SCN3A: variants seen among roughly 807,000 people sequenced by gnomAD.
SCN3A encodes the protein sodium voltage-gated channel alpha subunit 3.
SCN3A carries 60 observed loss-of-function variants against 187.6 expected under a neutral mutation model. The ratio of observed to expected loss-of-function variants is 0.32; its 90% CI spans 0.26 to 0.40. SCN3A has a LOEUF of 0.40. SCN3A is among the 10% of genes least tolerant of loss of function. SCN3A has a pLI of 1.00. For synonymous variants in SCN3A, 788 were observed against 829.2 expected (o/e 0.95, Z 0.85); for missense variants, 1,601 against 2,428.2 (o/e 0.66, Z 7.16).
At chr2:165,109,629 T>C (rs1457932333) in intron 21 of SCN3A, among the ~76,000 whole-genome samples, 1 of 152,146 alleles carries the variant, frequency 6.6e-6, no homozygotes, top group Non-Finnish European at 1.5e-5. Context: ...AAATCTCCAC[T>C]TTCTTGCATT....
chr2:165,163,997 G>T, intron 6 of SCN3A: 1 of 1,063,142 alleles, frequency 9.4e-7, no homozygotes, highest in South Asian at 1.4e-5. Flanking sequence ...TTAACAAATG[G>T]AATTGCTATA....
intron 5 of SCN3A, among the ~76,000 whole-genome samples, chr2:165,168,010 A>T (rs994102272): frequency 6.6e-6 from 1 of 152,134 alleles, no homozygotes; most frequent in East Asian, 1.9e-4. Flanking sequence ...GAGGCCTGGG[A>T]TATGAGGCCA....
At chr2:165,176,706 A>G (rs1012819973) in intron 2 of SCN3A, among the ~76,000 whole-genome samples, 30 of 152,168 alleles carry the variant, frequency 2.0e-4, no homozygotes, top group African/African-American at 7.0e-4. Flanking sequence ...TATATATAAT[A>G]TATAAACATT....
chr2:165,090,726 C>T lies in SCN3A; in HGVS notation c.5427G>A (p.Glu1809=), dbSNP rs752853403. The part of the protein sequence containing the change: ...KFDPDATQFI[E]FSKLSDFAAA... ...CTGCAAAATCAGAGAGTTTAGAGAACTCTATAAACTGGGTCGCATCGGGAT... is the reference window on the plus strand; with the variant it reads ...CTGCAAAATCAGAGAGTTTAGAGAATTCTATAAACTGGGTCGCATCGGGAT... Residue 1809 remains glutamate, a synonymous_variant, in exon 28 of 28, where the codon GAG becomes GAA. Transcript: ENST00000283254. This position sits in a 1 kb window ranked among gnomAD's most constrained non-coding sequence, Gnocchi z 4.0. The T allele has an allele frequency of 8.7e-6, 14 of 1,613,944 alleles. No individual in the cohort carries two copies. In the East Asian group the frequency reaches 8.9e-5, roughly 10 times the overall value.
At chr2:165,152,056 A>G (rs1688715087) in intron 11 of SCN3A, among the ~76,000 whole-genome samples, 1 of 152,210 alleles carries the variant, frequency 6.6e-6, no homozygotes, top group South Asian at 2.1e-4. Context: ...CAACATAACT[A>G]TGTCCCGAAA....
chr2:165,102,462 C>T (rs1685653025), intron 21 of SCN3A, among the ~76,000 whole-genome samples: 1 of 151,942 alleles, frequency 6.6e-6, no homozygotes, highest in African/African-American at 2.4e-5. Context: ...GTTACAGTGG[C>T]TATGATCACA....
chr2:165,128,462 T>A (rs1439803), intron 17 of SCN3A, among the ~76,000 whole-genome samples: 118,366 of 152,096 alleles, frequency 0.78, 46,327 homozygotes, highest in East Asian at 0.9. Context: ...AGATACTTTC[T>A]TCTTAATCAT....
chr2:165,146,786 C>A lies in SCN3A; in HGVS notation c.1624G>T (p.Asp542Tyr), dbSNP rs1040596902. ...VKRSSFLFSM[D>Y]GNRLTSDKKF... The stretch of plus-strand genomic sequence containing the variant: ...TTGTCACTGGTCAGTCTGTTTCCAT[C>A]CATGGAGAAAAGGAAGCTGCTTCTT... The change falls in exon 12 of 28, where the codon GAT becomes TAT. Residue 542 changes from aspartate to tyrosine, a missense_variant. Asp to Tyr is a radical substitution (Grantham distance 160). Coordinates refer to ENST00000283254, the MANE Select transcript of SCN3A (RefSeq NM_006922.4). 5.0e-6 allele frequency: 8 copies of A among 1,613,966 alleles called. No individual in the cohort carries two copies. The highest frequency in any genetic ancestry group is 6.8e-6 in the Non-Finnish European group (8 of 1,179,920).
At chr2:165,129,799 G>C (rs1687205255) in intron 17 of SCN3A, 141 bp downstream of exon 17, 1 of 1,021,218 alleles carries the variant, frequency 9.8e-7, no homozygotes, top group Admixed American at 1.8e-5. Flanking sequence ...TAAATAACTT[G>C]CTTATTCTCT....
intron 3 of SCN3A, among the ~76,000 whole-genome samples, chr2:165,173,382 A>C (rs1214772400): frequency 6.6e-6 from 1 of 152,150 alleles, no homozygotes; most frequent in Non-Finnish European, 1.5e-5. Flanking sequence ...AAGTTACCTC[A>C]TCTCTCTGTG....
chr2:165,107,627 A>G (rs1339757161), intron 21 of SCN3A, among the ~76,000 whole-genome samples: 1 of 152,248 alleles, frequency 6.6e-6, no homozygotes, highest in Non-Finnish European at 1.5e-5. Flanking sequence ...CTTATACGCA[A>G]TCACCTTCGG....
intron 5 of SCN3A, among the ~76,000 whole-genome samples, chr2:165,167,002 C>A (rs919426181): frequency 6.6e-6 from 1 of 151,812 alleles, no homozygotes; most frequent in African/African-American, 2.4e-5. Context: ...TGGGTTCAAG[C>A]GATTCTCTTG....
At chr2:165,194,353 C>T (rs189454959) in intron 1 of SCN3A, among the ~76,000 whole-genome samples, 2 of 152,254 alleles carry the variant, frequency 1.3e-5, no homozygotes, top group Admixed American at 1.3e-4. Context: ...ACTAGGCTTA[C>T]TCCAAATGTT....
At chr2:165,154,359 A>G in intron 11 of SCN3A, 93 bp downstream of exon 11, 1 of 1,334,030 alleles carries the variant, frequency 7.5e-7, no homozygotes, top group East Asian at 2.5e-5. Context: ...TAAAATGAAA[A>G]AGCAGTTCCA....
At chr2:165,139,770 TAAA>T in intron 13 of SCN3A, 162 bp from the exon 14 acceptor site, 48 of 795,108 alleles carry the variant, frequency 6.0e-5, no homozygotes, top group South Asian at 9.1e-5. Context: ...GTTTTTTTTT[TAAA>T]AAAAAGTTAT....
intron 14 of SCN3A, among the ~76,000 whole-genome samples, chr2:165,139,205 G>A (rs1434152541): frequency 6.6e-6 from 1 of 152,084 alleles, no homozygotes; most frequent in Non-Finnish European, 1.5e-5. Flanking sequence ...ATTTGCATAT[G>A]AGTAACATAA....
chr2:165,201,888 A>G (rs1692344873), intron 1 of SCN3A, among the ~76,000 whole-genome samples: 1 of 152,064 alleles, frequency 6.6e-6, no homozygotes, highest in African/African-American at 2.4e-5. Context: ...AGAAAATTTT[A>G]AAAACAAAGT....
At chr2:165,097,108 C>G in intron 23 of SCN3A, 144 bp downstream of exon 23, 1 of 748,664 alleles carries the variant, frequency 1.3e-6, no homozygotes, top group Non-Finnish European at 2.1e-6. Context: ...TTTTTATGAT[C>G]AATTCAAGCT....
chr2:165,112,735 A>C, intron 21 of SCN3A, 150 bp downstream of exon 21: 1 of 693,476 alleles, frequency 1.4e-6, no homozygotes, highest in Non-Finnish European at 2.4e-6. Context: ...TTCCCATGAG[A>C]TATTCCTCAT....
Sources: gnomAD v4.1 joint callset for allele counts (sites outside exome capture counted in the v4.1 genomes callset) on GRCh38, gnomAD v4.1.1 for gene constraint, Gnocchi (gnomAD v3.1) non-coding constraint, MANE v1.5 for transcripts, NCBI Gene and HGNC (gene_info 2026-07-23, HGNC 2026-07-21) for gene names.